The following SPTLC3 variants were observed in gnomAD, a reference collection of about 807,000 sequenced individuals.
The protein encoded by SPTLC3 is serine palmitoyltransferase 3.
A neutral mutation model predicts 59.3 loss-of-function variants in SPTLC3; 36 were observed. The ratio of observed to expected loss-of-function variants is 0.61; its 90% CI spans 0.47 to 0.80. The LOEUF (loss-of-function observed/expected upper bound fraction) is 0.80, where lower values mean the gene tolerates loss of function less well. Among genes scored for constraint, SPTLC3 ranks in the 30% least tolerant of loss-of-function variants. The pLI is 0.00. For synonymous variants in SPTLC3, 257 were observed against 240.8 expected (o/e 1.07, Z -0.62); for missense variants, 625 against 685.1 (o/e 0.91, Z 0.98).
chr20:13,120,435 A>G (rs1405213167), intron 8 of SPTLC3, among the ~76,000 whole-genome samples: 1 of 152,198 alleles, frequency 6.6e-6, no homozygotes. Flanking sequence ...CACTGTTCTC[A>G]TAGGGTTCTC....
chr20:13,154,393 C>T (rs1182090261), intron 10 of SPTLC3, among the ~76,000 whole-genome samples: 1 of 152,146 alleles, frequency 6.6e-6, no homozygotes, highest in Non-Finnish European at 1.5e-5. Context: ...AATCACTTAT[C>T]TCCCTCAGCC....
At chr20:13,084,497 C>T (rs1341945696) in intron 4 of SPTLC3, among the ~76,000 whole-genome samples, 1 of 152,166 alleles carries the variant, frequency 6.6e-6, no homozygotes, top group Admixed American at 6.6e-5. Flanking sequence ...ACCGTGGAAC[C>T]TCCAAGGGGT....
At chr20:13,047,555 A>G (rs1987284217) in intron 1 of SPTLC3, among the ~76,000 whole-genome samples, 1 of 152,120 alleles carries the variant, frequency 6.6e-6, no homozygotes. Flanking sequence ...TATTTATTGA[A>G]TGAAATAATA....
chr20:13,030,285 G>A (rs572856043), intron 1 of SPTLC3, among the ~76,000 whole-genome samples: 5 of 152,106 alleles, frequency 3.3e-5, no homozygotes, highest in African/African-American at 1.2e-4. Flanking sequence ...TTTGAATTTT[G>A]GTCAGAGACT....
intron 8 of SPTLC3, 67 bp from the exon 9 acceptor site, chr20:13,126,524 A>G: frequency 6.3e-7 from 1 of 1,581,032 alleles, no homozygotes. Context: ...ATGGGACTAG[A>G]TGTAATTCCC....
At chr20:13,017,117 C>A (rs1985567584) in intron 1 of SPTLC3, among the ~76,000 whole-genome samples, 1 of 152,154 alleles carries the variant, frequency 6.6e-6, no homozygotes, top group Non-Finnish European at 1.5e-5. Context: ...AAGGGGCCAG[C>A]AGACACAGCC....
intron 1 of SPTLC3, among the ~76,000 whole-genome samples, chr20:13,028,623 C>A (rs76567848): frequency 0.055 from 8,366 of 152,142 alleles, 268 homozygotes; most frequent in South Asian, 0.084. Context: ...TGAAAATTTT[C>A]ATACATGTCT....
At chr20:13,036,186 A>T (rs945299800) in intron 1 of SPTLC3, among the ~76,000 whole-genome samples, 4 of 152,216 alleles carry the variant, frequency 2.6e-5, no homozygotes, top group Non-Finnish European at 5.9e-5. Context: ...TGCATAATCT[A>T]TACAGTTGAC....
intron 6 of SPTLC3, among the ~76,000 whole-genome samples, chr20:13,098,993 T>C (rs1052185602): frequency 3.3e-5 from 5 of 152,022 alleles, no homozygotes; most frequent in African/African-American, 1.2e-4. Flanking sequence ...CTCTCTTTGG[T>C]AGGAAAAATA....
At chr20:13,056,404 G>A (rs1457692313) in intron 2 of SPTLC3, among the ~76,000 whole-genome samples, 3 of 150,872 alleles carry the variant, frequency 2.0e-5, no homozygotes, top group Non-Finnish European at 4.4e-5. Flanking sequence ...CTATCTTTCT[G>A]ATGGGACTTG....
chr20:13,111,402 T>C (rs907729431), intron 7 of SPTLC3, among the ~76,000 whole-genome samples: 9 of 152,084 alleles, frequency 5.9e-5, no homozygotes, highest in African/African-American at 1.9e-4. Flanking sequence ...ATAACTGCAG[T>C]AGTGTGTGAC....
At chr20:13,021,809 G>A (rs1044417349) in intron 1 of SPTLC3, among the ~76,000 whole-genome samples, 2 of 152,130 alleles carry the variant, frequency 1.3e-5, no homozygotes, top group Admixed American at 6.5e-5. Flanking sequence ...GCCTTGCTGA[G>A]AAATCAACTA....
At chr20:13,122,151 G>A (rs1295254770) in intron 8 of SPTLC3, among the ~76,000 whole-genome samples, 1 of 152,142 alleles carries the variant, frequency 6.6e-6, no homozygotes, top group African/African-American at 2.4e-5. Context: ...TTTTCCATTA[G>A]ACGGTCAATA....
rs1047858620 is a variant in SPTLC3 at position 13,008,976 on chromosome 20, C to A, written c.-292C>A. Reference sequence around the variant, plus strand: ...GTTCAGTCCCCAGGTTCCCTCAGTCCCCAGAAGGAGCCAGCATGGACAATC... The same window carrying A: ...GTTCAGTCCCCAGGTTCCCTCAGTCACCAGAAGGAGCCAGCATGGACAATC... On this transcript the variant is annotated 5_prime_UTR_variant, in exon 1 of 12. Transcript: ENST00000399002. The A allele has an allele frequency of 1.1e-5, 3 of 263,948 alleles. No individual in the cohort carries two copies. The East Asian group carries it at 2.8e-4, about 25-fold the overall frequency. 16.4% of individuals were successfully genotyped at this position (263,948 alleles called of 1,614,324 possible).
chr20:13,090,626 T>C (rs1568597147), intron 4 of SPTLC3, among the ~76,000 whole-genome samples: 1 of 152,192 alleles, frequency 6.6e-6, no homozygotes. Context: ...CATACCTATG[T>C]AACAAATGCA....
intron 1 of SPTLC3, among the ~76,000 whole-genome samples, chr20:13,022,017 C>G (rs1178213442): frequency 6.6e-6 from 1 of 152,176 alleles, no homozygotes; most frequent in Non-Finnish European, 1.5e-5. Flanking sequence ...GATCTTTCCA[C>G]TTGGATAATC....
At chr20:13,035,300 C>T (rs1006456259) in intron 1 of SPTLC3, among the ~76,000 whole-genome samples, 5 of 152,036 alleles carry the variant, frequency 3.3e-5, no homozygotes, top group Admixed American at 1.3e-4. Context: ...TTGATGCTGT[C>T]GAAAAAGTAA....
At chr20:13,119,739 G>C (rs1435370494) in intron 8 of SPTLC3, among the ~76,000 whole-genome samples, 1 of 152,138 alleles carries the variant, frequency 6.6e-6, no homozygotes, top group Non-Finnish European at 1.5e-5. Flanking sequence ...GCAGAGATTC[G>C]TTAGCCTACG....
intron 6 of SPTLC3, among the ~76,000 whole-genome samples, chr20:13,102,560 G>A (rs1989641694): frequency 6.6e-6 from 1 of 152,116 alleles, no homozygotes; most frequent in Admixed American, 6.5e-5. Flanking sequence ...GCCCCTGGAT[G>A]GCAGAGTGAT....
Sources: gnomAD v4.1 joint callset for allele counts (sites outside exome capture counted in the v4.1 genomes callset) on GRCh38, gnomAD v4.1.1 for gene constraint, MANE v1.5 for transcripts, NCBI Gene and HGNC (gene_info 2026-07-23, HGNC 2026-07-21) for gene names.